PGPEP1L: variants seen among roughly 807,000 people sequenced by gnomAD.
PGPEP1L encodes pyroglutamyl-peptidase 1-like protein.
PGPEP1L carries 7 observed loss-of-function variants against 6.0 expected under a neutral mutation model. That is an observed-to-expected ratio of 1.17 (90% confidence interval 0.66 to 2.19). The LOEUF is 2.19. Among genes scored for constraint, PGPEP1L ranks in the 30% most tolerant of loss-of-function variants. The pLI is 0.00. For synonymous variants in PGPEP1L, 103 were observed against 83.9 expected, an observed-to-expected ratio of 1.23 and a Z score of -1.24; for missense variants, 209 against 192.5, an observed-to-expected ratio of 1.09 and a Z score of -0.51.
rs369787251 is a variant in PGPEP1L at position 98,976,219 on chromosome 15, TAATGTTATACATC to T, written c.-141-5074_-141-5062del. ...CTTTAAAGGGTTAAAATGGTAAATT[TAATGTTATACATC>T]AATGTTATACATATTTTACCATAAT... is the stretch of plus-strand genomic sequence containing the variant. On this transcript the variant is annotated intron_variant, in intron 2 of 4. Transcript: ENST00000535714. 1.1e-4 allele frequency among the ~76,000 whole-genome samples: 16 copies of T among 152,314 alleles called. 1 individual carries two copies. The highest frequency in any genetic ancestry group is 3.9e-4 in the African/African-American group (16 of 41,556).
chr15:98,969,516 C>T lies in PGPEP1L; in HGVS notation c.118G>A (p.Asp40Asn). Residue 40 changes from aspartate (D) to asparagine (N), a missense_variant, in exon 4 of 5, where the codon GAC becomes AAC. Coordinates refer to ENST00000535714, the MANE Select transcript of PGPEP1L (RefSeq NM_001167902.2). The stretch of plus-strand genomic sequence containing the variant: ...ATGCAGACCCCTGACTCCAGCACGT[C>T]TGGGCTGCCAGGTAGGCACACGCCG... ...EGGVCLPGSP[D>N]VLESGVCMKA... The T allele has an allele frequency of 1.9e-6, 3 of 1,614,066 alleles. No homozygotes were observed. Among genetic ancestry groups the T allele is most frequent in the Non-Finnish European group, 2.5e-6 (3 of 1,179,912 alleles).
In PGPEP1L at chr15:98,968,499, G is replaced by C. The variant is rs748345052; in HGVS notation, c.408C>G (p.Val136=). 2.5e-6 allele frequency: 4 copies of C among 1,613,434 alleles called. No individual in the cohort carries two copies. Among genetic ancestry groups the C allele is most frequent in the Non-Finnish European group, 3.4e-6 (4 of 1,179,790 alleles). ...CCGGTCAGTTCCCTTTGGCTGGAAGGACCATGGTTGAGTTTTCTTCGAACT... is the reference window on the plus strand; with the variant it reads ...CCGGTCAGTTCCCTTTGGCTGGAAGCACCATGGTTGAGTTTTCTTCGAACT... The part of the protein sequence containing the change: ...RAQFEENSTM[V]LPAKGN Residue 136 remains valine (V), a synonymous_variant, in exon 5 of 5, where the codon GTC becomes GTG. Transcript: ENST00000535714.
At chr15:98,975,476 G>A (rs560030888) in intron 2 of PGPEP1L, among the ~76,000 whole-genome samples, 12 of 152,130 alleles carry the variant, frequency 7.9e-5, no homozygotes, top group East Asian at 1.9e-4. Flanking sequence ...GATTTAGAAC[G>A]TCCTCAGCAC....
chr15:98,987,168 A>T (rs1596521118), intron 2 of PGPEP1L, among the ~76,000 whole-genome samples: 1 of 106,584 alleles, frequency 9.4e-6, no homozygotes, highest in East Asian at 2.0e-4. Flanking sequence ...TCCATCTCAA[A>T]AAAAAAAAAA....
chr15:99,006,335 G>A (rs1486206121), intron 1 of PGPEP1L, among the ~76,000 whole-genome samples: 4 of 152,252 alleles, frequency 2.6e-5, no homozygotes, highest in Admixed American at 1.3e-4. Flanking sequence ...TGCGAAAAGT[G>A]CTTTCTTGAC....
At chr15:98,994,629 A>G (rs1350594229) in intron 2 of PGPEP1L, among the ~76,000 whole-genome samples, 1 of 152,188 alleles carries the variant, frequency 6.6e-6, no homozygotes, top group African/African-American at 2.4e-5. Context: ...ACGACCTTAT[A>G]CAAATAATGC....
Position 98,968,669 on chromosome 15 carries a change from A to G in PGPEP1L, c.238T>C (p.Ser80Pro), listed in dbSNP as rs1324905110. ...RYVCDYTYYL[S>P]LHHGKGCAAL... ...GCGCAGCCCTTTCCATGATGCAGAG[A>G]CAGGTAATAGGTATAATCACAGACG... is the stretch of plus-strand genomic sequence containing the variant. Residue 80 changes from serine to proline, a missense_variant, in exon 5 of 5, where the codon TCT becomes CCT. Transcript: ENST00000535714. 10 of 1,582,728 alleles carry G rather than the reference A, an allele frequency of 6.3e-6. No individual in the cohort carries two copies. Among genetic ancestry groups the G allele is most frequent in the Non-Finnish European group, 8.6e-6 (10 of 1,163,952 alleles).
At chr15:98,979,630 ATTCTTTTTTTTTTTTTTT>A (rs1369127147) in intron 2 of PGPEP1L, among the ~76,000 whole-genome samples, 4 of 105,926 alleles carry the variant, frequency 3.8e-5, no homozygotes, top group Admixed American at 1.1e-4. Flanking sequence ...ATTGGAGACT[ATTCTTTTTTTTTTTTTTT>A]TTTTTTTTTT....
intron 2 of PGPEP1L, among the ~76,000 whole-genome samples, chr15:98,972,872 CAAAAAAAAAAAAAAAAA>C (rs58126997): frequency 8.8e-5 from 4 of 45,688 alleles, no homozygotes; most frequent in East Asian, 1.7e-3. Flanking sequence ...GACTCCGTCT[CAAAAAAAAAAAAAAAAA>C]AAAAAAAAAA....
intron 2 of PGPEP1L, among the ~76,000 whole-genome samples, chr15:98,992,035 A>G (rs974781452): frequency 1.7e-4 from 26 of 152,308 alleles, no homozygotes; most frequent in Admixed American, 4.6e-4. Flanking sequence ...TTTGAAAACC[A>G]GCACAAGACA....
At chr15:98,991,530 C>A (rs1291908458) in intron 2 of PGPEP1L, among the ~76,000 whole-genome samples, 4 of 152,114 alleles carry the variant, frequency 2.6e-5, no homozygotes, top group Non-Finnish European at 4.4e-5. Context: ...ACTAGAGGTA[C>A]AAAGAGGAGC....
At chr15:98,978,245 G>C (rs188997311) in intron 2 of PGPEP1L, among the ~76,000 whole-genome samples, 4 of 152,358 alleles carry the variant, frequency 2.6e-5, no homozygotes. Context: ...CTGTGTGTGA[G>C]CACTAGGGCC....
At chr15:98,980,605 C>T (rs754648985) in intron 2 of PGPEP1L, among the ~76,000 whole-genome samples, 1 of 152,100 alleles carries the variant, frequency 6.6e-6, no homozygotes, top group Non-Finnish European at 1.5e-5. Context: ...TACTTCCTTC[C>T]AAAGAGGACA....
chr15:98,992,471 T>C (rs775035953), intron 2 of PGPEP1L, among the ~76,000 whole-genome samples: 53 of 152,156 alleles, frequency 3.5e-4, no homozygotes, highest in Non-Finnish European at 6.5e-4. Flanking sequence ...TGGAAAAACA[T>C]TGCATGCTCA....
intron 2 of PGPEP1L, among the ~76,000 whole-genome samples, chr15:99,000,076 G>T (rs2017939649): frequency 1.3e-5 from 2 of 152,256 alleles, no homozygotes; most frequent in Admixed American, 1.3e-4. Flanking sequence ...AACCGGGGCT[G>T]CGTGCAGTGC....
At chr15:98,972,032 G>T (rs1363939034) in intron 2 of PGPEP1L, among the ~76,000 whole-genome samples, 1 of 152,026 alleles carries the variant, frequency 6.6e-6, no homozygotes, top group Non-Finnish European at 1.5e-5. Flanking sequence ...AATCACAAAA[G>T]AAAAACCTGT....
At chr15:98,996,885 C>T (rs1457584596) in intron 2 of PGPEP1L, among the ~76,000 whole-genome samples, 1 of 152,134 alleles carries the variant, frequency 6.6e-6, no homozygotes, top group Admixed American at 6.6e-5. Context: ...TATCTGTGAG[C>T]ACTGGCAATA....
At chr15:99,000,414 G>C (rs1555472863) in intron 2 of PGPEP1L, among the ~76,000 whole-genome samples, 1 of 152,232 alleles carries the variant, frequency 6.6e-6, no homozygotes, top group Non-Finnish European at 1.5e-5. Context: ...CTGGCAGGCA[G>C]CTCCACCTAC....
rs369749842 is a variant in PGPEP1L at position 98,982,700 on chromosome 15, C to CTTTTT, written c.-141-11547_-141-11543dup. Among the ~76,000 whole-genome samples, 21 of 52,502 alleles carry CTTTTT rather than the reference C, an allele frequency of 4.0e-4. 2 individuals are homozygous for CTTTTT. The highest frequency in any genetic ancestry group is 6.7e-4 in the Non-Finnish European group (16 of 23,884). 34.4% of individuals were successfully genotyped at this position (52,502 alleles called of 152,430 possible). ...TCACTCTGGTTATTTTTATCTGAGG[C>CTTTTT]TTTTTTTTTTTTTTTTTTTTTTTTT... On this transcript the variant is annotated intron_variant, in intron 2 of 4. Transcript: ENST00000535714.
Sources: allele counts gnomAD v4.1 joint callset (sites outside exome capture counted in the v4.1 genomes callset), GRCh38; gene constraint gnomAD v4.1.1; transcripts MANE v1.5; gene names NCBI Gene and HGNC (gene_info 2026-07-23, HGNC 2026-07-21).